Variants in SNX14 observed in about 807,000 individuals in gnomAD.
SNX14 encodes the protein sorting nexin 14, also known as sorting nexin-14.
In SNX14, 93 loss-of-function variants were observed where a neutral mutation model predicts 133.8. The ratio of observed to expected loss-of-function variants is 0.70; its 90% CI spans 0.59 to 0.83. SNX14 has a LOEUF of 0.83. Among genes scored for constraint, SNX14 ranks in the 40% least tolerant of loss-of-function variants. SNX14 has a pLI of 0.00. For missense variants in SNX14, 945 were observed against 1,094.9 expected, an observed-to-expected ratio of 0.86 and a Z score of 1.93; for synonymous variants, 368 against 365.6, an observed-to-expected ratio of 1.01 and a Z score of -0.07.
chr6:85,590,712 G>C (rs1247753303), intron 1 of SNX14, among the ~76,000 whole-genome samples: 2 of 152,108 alleles, frequency 1.3e-5, no homozygotes, highest in East Asian at 3.8e-4. Flanking sequence ...TTTTTGAATA[G>C]CATTAGTTTA....
In SNX14 at chr6:85,542,069, C is replaced by A. The variant is rs775201991; in HGVS notation, c.1390-26G>T. 3.6e-6 allele frequency: 5 copies of A among 1,402,076 alleles called. No individual in the cohort carries two copies. The Admixed American group carries it at 6.2e-5, about 17-fold the overall frequency. 86.9% of individuals were successfully genotyped at this position (1,402,076 alleles called of 1,614,324 possible). A position where few individuals can be genotyped will look rare whatever the true frequency, so the allele number is the denominator to read the frequency against. On this transcript the variant is annotated intron_variant, in intron 14 of 28. Transcript: ENST00000314673. ...CTTTAAAATAACAAATAATAATTAT[C>A]ATTTATTACACTTACAATTAACATT...
At chr6:85,576,850 G>A (rs2128210978) in intron 1 of SNX14, among the ~76,000 whole-genome samples, 1 of 152,268 alleles carries the variant, frequency 6.6e-6, no homozygotes, top group Non-Finnish European at 1.5e-5. Flanking sequence ...TAATACCTAT[G>A]AGACAATTAA....
At chr6:85,545,693 T>A (rs1489365197) in intron 12 of SNX14, among the ~76,000 whole-genome samples, 1 of 152,208 alleles carries the variant, frequency 6.6e-6, no homozygotes, top group Non-Finnish European at 1.5e-5. Context: ...TATTTATTTA[T>A]TTATTTTTGA....
At chr6:85,576,765 A>G (rs930086230) in intron 1 of SNX14, among the ~76,000 whole-genome samples, 1 of 152,230 alleles carries the variant, frequency 6.6e-6, no homozygotes, top group Non-Finnish European at 1.5e-5. Context: ...TGCACTTACA[A>G]AACCTTCCAA....
At chr6:85,551,091 T>G (rs1787673886) in intron 7 of SNX14, among the ~76,000 whole-genome samples, 1 of 152,128 alleles carries the variant, frequency 6.6e-6, no homozygotes, top group African/African-American at 2.4e-5. Context: ...TCAGAATTCT[T>G]TAATTGCATC....
intron 23 of SNX14, among the ~76,000 whole-genome samples, chr6:85,515,762 T>C (rs1435537569): frequency 6.6e-6 from 1 of 152,092 alleles, no homozygotes; most frequent in Non-Finnish European, 1.5e-5. Flanking sequence ...AAATTTTCAG[T>C]GTAATTTTTT....
intron 12 of SNX14, among the ~76,000 whole-genome samples, chr6:85,545,883 A>G (rs1785320866): frequency 6.6e-6 from 1 of 152,098 alleles, no homozygotes; most frequent in Non-Finnish European, 1.5e-5. Flanking sequence ...GGGTTTCACT[A>G]TGTTGCCCAG....
chr6:85,539,935 T>TTTTTATTTTATTTTATTTTATTTTA (rs147235178), intron 15 of SNX14, among the ~76,000 whole-genome samples: 24,928 of 136,470 alleles, frequency 0.18, 3,035 homozygotes, highest in Admixed American at 0.28. Flanking sequence ...CGAAGCAAGC[T>TTTTTATTTTATTTTATTTTATTTTA]TTTTATTTTA....
In SNX14 at chr6:85,547,101, G is replaced by GT; in HGVS notation, c.1108+10dup. 6.2e-7 allele frequency: 1 copy of GT among 1,602,598 alleles called. No individual in the cohort carries two copies. Among genetic ancestry groups the GT allele is most frequent in the South Asian group, 1.1e-5 (1 of 90,272 alleles). ...AAAATTACTTTCGTAAAATACACAG[G>GT]TAAGCCTCACCCACAGTCAAACAAA... On this transcript the variant is annotated intron_variant, in intron 12 of 28. Transcript: ENST00000314673.
chr6:85,519,472 T>C (rs572781979), intron 21 of SNX14, among the ~76,000 whole-genome samples: 1 of 152,168 alleles, frequency 6.6e-6, no homozygotes, highest in Non-Finnish European at 1.5e-5. Context: ...CTACAGATAT[T>C]TAAAAATTAG....
rs942503022 is a variant in SNX14, at chr6:85,533,604, C to T, written c.1805G>A (p.Arg602Lys). 1 of 1,612,556 alleles carries T rather than the reference C, an allele frequency of 6.2e-7. No homozygotes were observed. Among genetic ancestry groups the T allele is most frequent in the Admixed American group, 1.7e-5 (1 of 59,902 alleles). The change falls in exon 18 of 29, where the codon AGA (arginine) becomes AAA (lysine). Residue 602 changes from arginine (R) to lysine (K), a missense_variant. This residue lies in a region of SNX14 where 412 missense variants were observed against 516.6 expected (regional missense o/e 0.80). Transcript: ENST00000314673. ...GTGCTCAGAAAGCTTCCTACCTGCT[C>T]TTCTATCATTTCTTTCAACATCAAT... ...FCIDVERNDRRAVGHEPEHWS... is the reference protein window; with the variant it reads ...FCIDVERNDRKAVGHEPEHWS...
chr6:85,582,840 G>A (rs942630304), intron 1 of SNX14, among the ~76,000 whole-genome samples: 4 of 152,104 alleles, frequency 2.6e-5, no homozygotes, highest in Non-Finnish European at 1.5e-5. Context: ...TTCTACCAAA[G>A]GTACAAAGAG....
rs151291387 is a variant in SNX14, at chr6:85,511,005, G to A, written c.2653+2795C>T. 1.6e-3 allele frequency among the ~76,000 whole-genome samples: 249 copies of A among 152,216 alleles called. 3 individuals are homozygous for A. Among genetic ancestry groups the A allele is most frequent in the African/African-American group, 5.8e-3 (242 of 41,534 alleles). ...TTGGGACTGCATTGAATCTATAGACGAAGTTCAGAAGAACGGACATCTTGA... is the reference window on the plus strand; with the variant it reads ...TTGGGACTGCATTGAATCTATAGACAAAGTTCAGAAGAACGGACATCTTGA... On this transcript the variant is annotated intron_variant, in intron 26 of 28. Coordinates refer to ENST00000314673, the MANE Select transcript of SNX14 (RefSeq NM_153816.6).
chr6:85,507,186 G>C, intron 28 of SNX14, 47 bp downstream of exon 28: 1 of 1,456,904 alleles, frequency 6.9e-7, no homozygotes, highest in South Asian at 1.2e-5. Context: ...ATAAATGTCA[G>C]CATACCATTA....
intron 7 of SNX14, among the ~76,000 whole-genome samples, chr6:85,556,708 C>T (rs1789930423): frequency 6.6e-6 from 1 of 152,068 alleles, no homozygotes; most frequent in Non-Finnish European, 1.5e-5. Flanking sequence ...CCACCTCAGC[C>T]TCCCAAAGTG....
At chr6:85,574,518 G>A (rs1404948672) in intron 1 of SNX14, 140 bp from the exon 2 acceptor site, 2 of 550,670 alleles carry the variant, frequency 3.6e-6, no homozygotes, top group African/African-American at 1.9e-5. Flanking sequence ...TTAATTTTTT[G>A]TAATGTATTA....
chr6:85,545,483 A>C (rs1025469062), intron 12 of SNX14, among the ~76,000 whole-genome samples: 5 of 152,226 alleles, frequency 3.3e-5, no homozygotes, highest in Non-Finnish European at 5.9e-5. Flanking sequence ...AAGAAAGATG[A>C]TGTGGCTATA....
chr6:85,517,547 G>A (rs1376780615), intron 23 of SNX14: 1 of 417,938 alleles, frequency 2.4e-6, no homozygotes, highest in Non-Finnish European at 3.9e-6. Flanking sequence ...TGCAAATATA[G>A]TATCCAGAGA....
intron 14 of SNX14, 106 bp from the exon 15 acceptor site, chr6:85,542,149 T>C (rs1194235760): frequency 5.6e-6 from 4 of 709,258 alleles, no homozygotes; most frequent in Admixed American, 3.5e-5. Context: ...AAAAAAGCTA[T>C]CTCAATCAAG....
Sources: allele counts gnomAD v4.1 joint callset (sites outside exome capture counted in the v4.1 genomes callset), GRCh38; gene constraint gnomAD v4.1.1; regional missense constraint gnomAD v4.1.1; transcripts MANE v1.5; gene names NCBI Gene and HGNC (gene_info 2026-07-23, HGNC 2026-07-21).